The following COL5A2 variants were observed in gnomAD, a reference collection of about 807,000 sequenced individuals.
COL5A2 encodes collagen alpha-2(V) chain.
Under a neutral mutation model 208.2 loss-of-function variants are expected in COL5A2, and 23 were observed. The observed-to-expected ratio is 0.11, with a 90% CI of 0.08 to 0.16. The LOEUF is 0.16. Among genes scored for constraint, COL5A2 ranks in the 10% least tolerant of loss-of-function variants. The probability of loss-of-function intolerance (pLI) is 1.00; values close to 1 mark genes in which losing one functional copy is unlikely to be tolerated. For synonymous variants in COL5A2, 625 were observed against 628.5 expected (o/e 0.99, Z 0.08); for missense variants, 1,590 against 1,956.4 (o/e 0.81, Z 3.53).
At chr2:189,099,996 T>C in intron 4 of COL5A2, 111 bp downstream of exon 4, 1 of 952,000 alleles carries the variant, frequency 1.1e-6, no homozygotes, top group Non-Finnish European at 1.6e-6. Flanking sequence ...AACTTGTTTT[T>C]AAAATAACTA....
intron 1 of COL5A2, among the ~76,000 whole-genome samples, chr2:189,186,133 C>T (rs574618946): frequency 6.6e-6 from 1 of 152,068 alleles, no homozygotes; most frequent in African/African-American, 2.4e-5. Flanking sequence ...ACCTCAGGCT[C>T]TTGGGCACGC....
the COL5A2 span, among the ~76,000 whole-genome samples, chr2:189,255,356 T>C: frequency 2.0e-5 from 3 of 152,174 alleles, no homozygotes; most frequent in Non-Finnish European, 4.4e-5. Flanking sequence ...ACAATAAAAT[T>C]TATAGGGTGA....
intron 1 of COL5A2, among the ~76,000 whole-genome samples, chr2:189,225,049 G>T (rs1689395778): frequency 6.6e-6 from 1 of 152,070 alleles, no homozygotes; most frequent in Non-Finnish European, 1.5e-5. Context: ...TATAAAACTG[G>T]CAAGGAGTTA....
At chr2:189,062,810 A>C in intron 29 of COL5A2, 55 bp downstream of exon 29, 1 of 1,603,358 alleles carries the variant, frequency 6.2e-7, no homozygotes, top group African/African-American at 1.3e-5. Flanking sequence ...TCATCGAAAA[A>C]ATGCAATGTG....
intron 41 of COL5A2, among the ~76,000 whole-genome samples, chr2:189,051,774 C>T (rs1362823959): frequency 1.3e-5 from 2 of 152,232 alleles, no homozygotes; most frequent in African/African-American, 4.8e-5. Flanking sequence ...AAGCTCCACT[C>T]CAATGATGAA....
At chr2:189,110,101 C>T in intron 2 of COL5A2, 124 bp downstream of exon 2, 1 of 774,286 alleles carries the variant, frequency 1.3e-6, no homozygotes, top group Non-Finnish European at 2.3e-6. Context: ...ATCATTAACC[C>T]CAAAAGCCAC....
At chr2:189,359,142 G>C in the COL5A2 span, among the ~76,000 whole-genome samples, 1 of 152,072 alleles carries the variant, frequency 6.6e-6, no homozygotes, top group Non-Finnish European at 1.5e-5. Flanking sequence ...TCCTTGTCTT[G>C]TTCCTGATCT....
chr2:189,371,615 A>C, the COL5A2 span, among the ~76,000 whole-genome samples: 1 of 152,184 alleles, frequency 6.6e-6, no homozygotes, highest in Admixed American at 6.5e-5. Flanking sequence ...ATGTCCTGGG[A>C]ATCTGTGGAA....
the COL5A2 span, among the ~76,000 whole-genome samples, chr2:189,270,893 A>C: frequency 2.0e-5 from 3 of 152,136 alleles, no homozygotes; most frequent in Non-Finnish European, 4.4e-5. Flanking sequence ...TCATGAGTGA[A>C]CTCTCATTCA....
chr2:189,097,631 T>C, intron 5 of COL5A2: 1 of 561,608 alleles, frequency 1.8e-6, no homozygotes, highest in South Asian at 1.5e-5. Context: ...AGGATCATAT[T>C]TGCTGTCTTC....
Position 189,034,121 on chromosome 2 carries a change from G to T in COL5A2, c.4449C>A (p.Gly1483=), listed in dbSNP as rs78905646. 6.2e-6 allele frequency: 10 copies of T among 1,613,880 alleles called. No individual in the cohort carries two copies. Among genetic ancestry groups the T allele is most frequent in the African/African-American group, 1.3e-5 (1 of 75,002 alleles). The change falls in exon 54 of 54, where the codon GGC becomes GGA. Residue 1483 remains glycine, a synonymous_variant. Coordinates refer to ENST00000374866, the MANE Select transcript of COL5A2 (RefSeq NM_000393.5). ...CAACGCCGAATTCCTGGTCTGTGCC[G>T]CCAACATCCACAGGAGCAAGATCTA... is the stretch of plus-strand genomic sequence containing the variant. ...PIIDLAPVDV[G]GTDQEFGVEI...
At chr2:189,145,389 A>G (rs1688018867) in intron 1 of COL5A2, among the ~76,000 whole-genome samples, 2 of 152,214 alleles carry the variant, frequency 1.3e-5, no homozygotes, top group Non-Finnish European at 2.9e-5. Context: ...ATAGTAAAAT[A>G]CAGTAATGCA....
chr2:189,043,550 T>C (rs1360938796), intron 47 of COL5A2, among the ~76,000 whole-genome samples: 1 of 152,298 alleles, frequency 6.6e-6, no homozygotes, highest in African/African-American at 2.4e-5. Flanking sequence ...TATTTTTGTT[T>C]GATCTAGCCT....
chr2:189,318,932 T>C, the COL5A2 span, among the ~76,000 whole-genome samples: 16 of 152,256 alleles, frequency 1.1e-4, no homozygotes, highest in East Asian at 3.1e-3. Context: ...TGATTAAGCT[T>C]AGTTTATTAT....
chr2:189,283,147 A>G, the COL5A2 span, among the ~76,000 whole-genome samples: 1 of 151,888 alleles, frequency 6.6e-6, no homozygotes, highest in Non-Finnish European at 1.5e-5. Context: ...TATAGTACTG[A>G]ATTAGTAAAT....
intron 1 of COL5A2, among the ~76,000 whole-genome samples, chr2:189,143,363 AC>A (rs1687972871): frequency 6.6e-6 from 1 of 152,126 alleles, no homozygotes; most frequent in Non-Finnish European, 1.5e-5. Context: ...GACAGAAGTC[AC>A]CCAGAGGTGG....
chr2:189,376,410 A>G, the COL5A2 span, among the ~76,000 whole-genome samples: 1 of 152,208 alleles, frequency 6.6e-6, no homozygotes, highest in Non-Finnish European at 1.5e-5. Context: ...TATGTTTGAA[A>G]AAAAAAGATA....
chr2:189,368,079 AATT>A, the COL5A2 span, among the ~76,000 whole-genome samples: 1 of 152,212 alleles, frequency 6.6e-6, no homozygotes, highest in Non-Finnish European at 1.5e-5. Flanking sequence ...TATAACAAAT[AATT>A]GTGTTTCTTT....
the COL5A2 span, among the ~76,000 whole-genome samples, chr2:189,373,465 C>A: frequency 1.3e-5 from 2 of 152,114 alleles, no homozygotes; most frequent in East Asian, 3.8e-4. Flanking sequence ...CAATATGACC[C>A]CTGAGGGTCA....
Sources: allele counts gnomAD v4.1 joint callset (sites outside exome capture counted in the v4.1 genomes callset), GRCh38; gene constraint gnomAD v4.1.1; transcripts MANE v1.5; gene names NCBI Gene and HGNC (gene_info 2026-07-23, HGNC 2026-07-21).